The following BCAS3 variants were observed in gnomAD, a reference collection of about 807,000 sequenced individuals.
BCAS3 encodes the protein BCAS3 microtubule associated cell migration factor.
A neutral mutation model predicts 116.1 loss-of-function variants in BCAS3; 53 were observed. That is an observed-to-expected ratio of 0.46 (90% CI 0.37 to 0.57). The LOEUF (loss-of-function observed/expected upper bound fraction) is 0.57, where lower values mean the gene tolerates loss of function less well. BCAS3 is among the 20% of genes least tolerant of loss of function. BCAS3 has a pLI of 0.00. For missense variants in BCAS3, 917 were observed against 1,165.4 expected (o/e 0.79, Z 3.10); for synonymous variants, 391 against 408.2 (o/e 0.96, Z 0.51).
At chr17:60,859,395 T>C (rs929586263) in intron 7 of BCAS3, among the ~76,000 whole-genome samples, 1 of 152,106 alleles carries the variant, frequency 6.6e-6, no homozygotes, top group Non-Finnish European at 1.5e-5. Flanking sequence ...CTTCCTTGTG[T>C]CCATGTGAAT....
rs201018146 is a variant in BCAS3, at chr17:60,759,043, G to A, written c.403+11764G>A. On this transcript the variant is annotated intron_variant, in intron 6 of 23. Transcript: ENST00000407086. ...GCCTGGAGTGCAGTGGCACGATCTC[G>A]ACTCACTGCAACCTCTGCCTCCCGG... 6.5e-4 allele frequency among the ~76,000 whole-genome samples: 97 copies of A among 149,486 alleles called. No individual in the cohort carries two copies. The Middle Eastern group carries it at 0.021, about 32-fold the overall frequency.
chr17:60,825,857 G>GTT (rs770293138), intron 7 of BCAS3, among the ~76,000 whole-genome samples: 3,446 of 129,998 alleles, frequency 0.027, 170 homozygotes, highest in African/African-American at 0.076. Context: ...TGGGGATTCA[G>GTT]TTTTTTTTTT....
intron 10 of BCAS3, 46 bp from the exon 11 acceptor site, chr17:60,902,574 G>A: frequency 2.0e-6 from 3 of 1,463,832 alleles, no homozygotes; most frequent in Non-Finnish European, 2.9e-6. Flanking sequence ...GAGTTAAACA[G>A]ATTAATAGAA....
rs989204548 is a variant in BCAS3, at chr17:61,063,600, A to G, written c.2030-11320A>G. Reference sequence around the variant, plus strand: ...TAGTTCTTTGAAGAAATGCTTCAGGATCTTGTTTCCACTTGATTAAAATTT... The same window carrying G: ...TAGTTCTTTGAAGAAATGCTTCAGGGTCTTGTTTCCACTTGATTAAAATTT... On this transcript the variant is annotated intron_variant, in intron 19 of 23. Transcript: ENST00000407086. The surrounding 1 kb of genome is among the most constrained non-coding windows in gnomAD (Gnocchi z 5.3). Among the ~76,000 whole-genome samples the G allele has an allele frequency of 5.3e-5, 8 of 152,102 alleles. No homozygotes were observed. Among genetic ancestry groups the G allele is most frequent in the Non-Finnish European group, 1.0e-4 (7 of 68,018 alleles).
Position 61,233,080 on chromosome 17 carries a change from T to G in BCAS3, c.2426-135247T>G, listed in dbSNP as rs564552042. 6.6e-6 allele frequency among the ~76,000 whole-genome samples: 1 copy of G among 152,332 alleles called. No individual in the cohort carries two copies. Among genetic ancestry groups the G allele is most frequent in the South Asian group, 2.1e-4 (1 of 4,830 alleles). On this transcript the variant is annotated intron_variant, in intron 22 of 23. Coordinates refer to ENST00000407086, the MANE Select transcript of BCAS3 (RefSeq NM_017679.5). This position sits in a 1 kb window ranked among gnomAD's most constrained non-coding sequence, Gnocchi z 4.3. ...TGCGCTCTCTTGGGACTAACCTGTG[T>G]GACTAATTTGAGTAGGAGGGTGATA...
intron 7 of BCAS3, among the ~76,000 whole-genome samples, chr17:60,826,091 A>C (rs2050397703): frequency 6.6e-6 from 1 of 151,428 alleles, no homozygotes; most frequent in South Asian, 2.1e-4. Flanking sequence ...CAAACTTCTG[A>C]CCTCGTGATC....
chr17:60,858,532 A>G (rs1320005898), intron 7 of BCAS3, among the ~76,000 whole-genome samples: 1 of 152,002 alleles, frequency 6.6e-6, no homozygotes, highest in East Asian at 1.9e-4. Context: ...AGTACTTTTC[A>G]TTGCATTAAT....
At chr17:60,694,282 C>T (rs991059119) in intron 4 of BCAS3, among the ~76,000 whole-genome samples, 1 of 151,626 alleles carries the variant, frequency 6.6e-6, no homozygotes, top group African/African-American at 2.4e-5. Flanking sequence ...GTGAGCAGAT[C>T]ACAAGGTCAA....
At chr17:60,912,799 G>A (rs1044975050) in intron 12 of BCAS3, among the ~76,000 whole-genome samples, 1 of 151,952 alleles carries the variant, frequency 6.6e-6, no homozygotes, top group East Asian at 1.9e-4. Flanking sequence ...CACCTACAAG[G>A]CCACCCACAT....
chr17:60,965,445 C>T (rs193220996), intron 14 of BCAS3, among the ~76,000 whole-genome samples: 4 of 152,156 alleles, frequency 2.6e-5, no homozygotes, highest in East Asian at 3.9e-4. Flanking sequence ...TGGTCTTGAA[C>T]TTCTGACCTC....
rs1320278096 is a variant in BCAS3, at chr17:61,017,541, A to ATTCTGGTGCTTTGT, written c.1637+1650_1637+1663dup. Among the ~76,000 whole-genome samples, 1 of 152,212 alleles carries ATTCTGGTGCTTTGT rather than the reference A, an allele frequency of 6.6e-6. No individual in the cohort carries two copies. Among genetic ancestry groups the ATTCTGGTGCTTTGT allele is most frequent in the Admixed American group, 6.5e-5 (1 of 15,286 alleles). Reference sequence around the variant, plus strand: ...AAGGCTCCTGGAGTCATAAAAGCATATTCTGGTGCTTTGTTTCTGGTGCGT... The same window carrying ATTCTGGTGCTTTGT: ...AAGGCTCCTGGAGTCATAAAAGCATATTCTGGTGCTTTGTTTCTGGTGCTTTGTTTCTGGTGCGT... On this transcript the variant is annotated intron_variant, in intron 16 of 23. Transcript: ENST00000407086. This position sits in a 1 kb window ranked among gnomAD's most constrained non-coding sequence, Gnocchi z 4.7.
Position 61,244,579 on chromosome 17 carries a change from A to G in BCAS3, c.2426-123748A>G, listed in dbSNP as rs915236196. On this transcript the variant is annotated intron_variant, in intron 22 of 23. Coordinates refer to ENST00000407086, the MANE Select transcript of BCAS3 (RefSeq NM_017679.5). This position sits in a 1 kb window ranked among gnomAD's most constrained non-coding sequence, Gnocchi z 4.9. Reference sequence around the variant, plus strand: ...GTCTATATTTTTAAAAATTGGATATATAGGCCCGGCGCGGTGGCTCATGCC... The same window carrying G: ...GTCTATATTTTTAAAAATTGGATATGTAGGCCCGGCGCGGTGGCTCATGCC... Among the ~76,000 whole-genome samples the G allele has an allele frequency of 1.3e-5, 2 of 152,222 alleles. No individual in the cohort carries two copies. The highest frequency in any genetic ancestry group is 3.8e-4 in the East Asian group (2 of 5,200).
At chr17:61,192,174 A>C (rs190287982) in intron 22 of BCAS3, among the ~76,000 whole-genome samples, 1,656 of 140,152 alleles carry the variant, frequency 0.012, 11 homozygotes, top group Middle Eastern at 0.023. Context: ...TGAACCCAGG[A>C]GGCAGAAGTT....
At chr17:60,798,605 G>A (rs1214719373) in intron 6 of BCAS3, among the ~76,000 whole-genome samples, 7 of 152,126 alleles carry the variant, frequency 4.6e-5, no homozygotes, top group East Asian at 1.9e-4. Context: ...CATGTTGGTC[G>A]CATCCAAGTT....
Position 61,226,741 on chromosome 17 carries a change from C to G in BCAS3, c.2426-141586C>G, listed in dbSNP as rs1345109407. On this transcript the variant is annotated intron_variant, in intron 22 of 23. Coordinates refer to ENST00000407086, the MANE Select transcript of BCAS3 (RefSeq NM_017679.5). This position sits in a 1 kb window ranked among gnomAD's most constrained non-coding sequence, Gnocchi z 6.0. ...CCTTTAATTGACTACCTAATATGTG[C>G]CAGATACCCATAGCTTTACATGGGA... Among the ~76,000 whole-genome samples the G allele has an allele frequency of 6.6e-6, 1 of 152,164 alleles. No homozygotes were observed. Among genetic ancestry groups the G allele is most frequent in the Non-Finnish European group, 1.5e-5 (1 of 68,038 alleles).
intron 22 of BCAS3, among the ~76,000 whole-genome samples, chr17:61,116,789 G>T (rs980869521): frequency 4.6e-5 from 7 of 152,032 alleles, no homozygotes; most frequent in Non-Finnish European, 1.0e-4. Flanking sequence ...CTTTTCCTTT[G>T]TACTCAGAAA....
At chr17:61,345,037 G>C (rs1225616827) in intron 22 of BCAS3, among the ~76,000 whole-genome samples, 1 of 152,188 alleles carries the variant, frequency 6.6e-6, no homozygotes, top group African/African-American at 2.4e-5. Flanking sequence ...TCCGCCTGGG[G>C]CAGAGCTCGC....
intron 6 of BCAS3, among the ~76,000 whole-genome samples, chr17:60,777,911 A>G (rs150006785): frequency 6.6e-6 from 1 of 152,278 alleles, no homozygotes; most frequent in Non-Finnish European, 1.5e-5. Context: ...TTTGGAGATT[A>G]GATTTTTATC....
At chr17:60,920,211 C>A (rs546226004) in intron 12 of BCAS3, among the ~76,000 whole-genome samples, 104 of 152,210 alleles carry the variant, frequency 6.8e-4, no homozygotes, top group African/African-American at 2.2e-3. Flanking sequence ...TTGGCTGAGT[C>A]CCCAAAAGCG....
Sources: gnomAD v4.1 joint callset for allele counts (sites outside exome capture counted in the v4.1 genomes callset) on GRCh38, gnomAD v4.1.1 for gene constraint, Gnocchi (gnomAD v3.1) non-coding constraint, MANE v1.5 for transcripts, NCBI Gene and HGNC (gene_info 2026-07-23, HGNC 2026-07-21) for gene names.